USP36: variants seen among roughly 807,000 people sequenced by gnomAD.
The protein encoded by USP36 is ubiquitin carboxyl-terminal hydrolase 36.
A neutral mutation model predicts 111.5 loss-of-function variants in USP36; 59 were observed. The ratio of observed to expected loss-of-function variants is 0.53; its 90% confidence interval spans 0.43 to 0.66. The LOEUF (loss-of-function observed/expected upper bound fraction) is 0.66, where lower values mean the gene tolerates loss of function less well. Ranked by LOEUF, USP36 falls within the 30% of genes least tolerant of loss-of-function variation. The probability of loss-of-function intolerance (pLI) is 0.00; values close to 1 mark genes in which losing one functional copy is unlikely to be tolerated. For missense variants in USP36, 1,488 were observed against 1,468.0 expected, an observed-to-expected ratio of 1.01 and a Z score of -0.22; for synonymous variants, 628 against 581.0, an observed-to-expected ratio of 1.08 and a Z score of -1.16.
At chr17:78,800,596 C>T (rs1304962592) in intron 17 of USP36, among the ~76,000 whole-genome samples, 1 of 152,230 alleles carries the variant, frequency 6.6e-6, no homozygotes, top group Non-Finnish European at 1.5e-5. Flanking sequence ...CAGTGGCTTC[C>T]ATGGTTCCCA....
intron 3 of USP36, among the ~76,000 whole-genome samples, chr17:78,789,406 G>A (rs927869864): frequency 6.6e-6 from 1 of 151,922 alleles, no homozygotes; most frequent in African/African-American, 2.4e-5. Flanking sequence ...TTAATTCAGG[G>A]TTCTTCAAAA....
chr17:78,822,077 C>A, intron 6 of USP36, 73 bp from the exon 7 acceptor site: 1 of 1,549,000 alleles, frequency 6.5e-7, no homozygotes, highest in Non-Finnish European at 8.9e-7. Flanking sequence ...ATCCCAGCAG[C>A]CCCATGCCCA....
chr17:78,789,219 A>AG (rs2093562064), intron 3 of USP36, among the ~76,000 whole-genome samples: 1 of 148,172 alleles, frequency 6.7e-6, no homozygotes, highest in Admixed American at 6.7e-5. Context: ...AAAAAAAAAA[A>AG]AGGAGATGAG....
At chr17:78,836,521 A>T (rs2068687232) in intron 2 of USP36, 149 bp from the exon 3 acceptor site, 1 of 1,032,202 alleles carries the variant, frequency 9.7e-7, no homozygotes, top group Non-Finnish European at 1.4e-6. Flanking sequence ...TGCACAAAGG[A>T]AACAGGGAGA....
At chr17:78,802,570 G>T in intron 16 of USP36, 35 bp from the exon 17 acceptor site, 1 of 1,577,440 alleles carries the variant, frequency 6.3e-7, no homozygotes. Context: ...TCAGCTCTGA[G>T]CAAATTGGAA....
chr17:78,802,121 C>T (rs1307907804), intron 17 of USP36, among the ~76,000 whole-genome samples: 141 of 133,922 alleles, frequency 1.1e-3, no homozygotes, highest in African/African-American at 3.5e-3. Context: ...TGCACACCCA[C>T]GCGGTCCCCC....
chr17:78,818,212 G>A (rs559946890), intron 10 of USP36, among the ~76,000 whole-genome samples: 1 of 152,180 alleles, frequency 6.6e-6, no homozygotes, highest in African/African-American at 2.4e-5. Flanking sequence ...CATGGACAAT[G>A]CAAGTCCCAC....
At chr17:78,804,204 A>C (rs1274122070) in intron 15 of USP36, among the ~76,000 whole-genome samples, 1 of 152,278 alleles carries the variant, frequency 6.6e-6, no homozygotes, top group East Asian at 1.9e-4. Context: ...GCTCATGCCT[A>C]TAATTCCAGC....
rs778043489 is a variant in USP36, at chr17:78,803,831, G to A, written c.2364C>T (p.Asn788=). ...GGTGTGGAAGAGACACAAGGTCCTC[G>A]TTGACCTGAGGCAGCGCCGTCGAGA... The part of the protein sequence containing the change: ...SSISTALPQV[N]EDLVSLPHQL... The change falls in exon 16 of 21, where the codon AAC becomes AAT. Residue 788 remains asparagine (N), a synonymous_variant. Coordinates refer to ENST00000449938, the MANE Select transcript of USP36 (RefSeq NM_001385174.1). The surrounding 1 kb of genome is among the most constrained non-coding windows in gnomAD (Gnocchi z 4.6). 8.1e-6 allele frequency: 13 copies of A among 1,612,462 alleles called. No individual in the cohort carries two copies. Among genetic ancestry groups the A allele is most frequent in the Non-Finnish European group, 1.1e-5 (13 of 1,179,996 alleles).
At position 78,813,710 on chromosome 17, in the gene USP36, C is replaced by T. The variant is rs1182191307; in HGVS notation, c.1265+63G>A. The T allele has an allele frequency of 3.4e-6, 5 of 1,472,952 alleles. No individual in the cohort carries two copies. The Admixed American group carries it at 7.3e-5, about 21-fold the overall frequency. The allele number at this position is 1,472,952 out of a possible 1,614,324, so 91.2% of individuals were successfully genotyped here. A position where few individuals can be genotyped will look rare whatever the true frequency, so the allele number is the denominator to read the frequency against. ...TTCAAACAAAAAAAGGTTAGGGAGG[C>T]CCACCGGTATAAGAAAAGAGCAGAG... On this transcript the variant is annotated intron_variant, in intron 12 of 20. Transcript: ENST00000449938.
At chr17:78,814,291 G>C in intron 11 of USP36, 121 bp downstream of exon 11, 2 of 1,377,858 alleles carry the variant, frequency 1.5e-6, no homozygotes, top group Non-Finnish European at 1.9e-6. Flanking sequence ...ACGAGGACTT[G>C]AATACAACCA....
At chr17:78,813,032 C>A in intron 12 of USP36, 31 bp from the exon 13 acceptor site, 1 of 1,613,150 alleles carries the variant, frequency 6.2e-7, no homozygotes, top group Non-Finnish European at 8.5e-7. Flanking sequence ...GTAGGGAATT[C>A]TCTTACTAGG....
chr17:78,810,127 C>T (rs946386636), intron 13 of USP36, among the ~76,000 whole-genome samples: 2 of 151,434 alleles, frequency 1.3e-5, no homozygotes, highest in Non-Finnish European at 3.0e-5. Flanking sequence ...CCCCCCTCTT[C>T]TTTTTTTTGT....
chr17:78,837,606 C>T (rs1207471619), intron 2 of USP36, among the ~76,000 whole-genome samples: 1 of 152,196 alleles, frequency 6.6e-6, no homozygotes, highest in Non-Finnish European at 1.5e-5. Context: ...CCTCTCCAAT[C>T]GCTACCTTTG....
intron 7 of USP36, chr17:78,821,414 ATATATATTTTTTT>A (rs1329097013): frequency 3.8e-5 from 2 of 53,074 alleles, no homozygotes; most frequent in Non-Finnish European, 6.7e-5. Context: ...ATATATATAT[ATATATATTTTTTT>A]TTTTTTTTTT....
At chr17:78,833,431 G>C (rs767112528) in intron 4 of USP36, among the ~76,000 whole-genome samples, 5 of 152,004 alleles carry the variant, frequency 3.3e-5, no homozygotes, top group Non-Finnish European at 5.9e-5. Flanking sequence ...ACAGGTGTGA[G>C]CCACCGTGCC....
At chr17:78,836,473 A>G in intron 2 of USP36, 101 bp from the exon 3 acceptor site, 1 of 1,449,776 alleles carries the variant, frequency 6.9e-7, no homozygotes, top group Non-Finnish European at 9.2e-7. Flanking sequence ...GCTAGCCACC[A>G]CAAAAGCTCC....
chr17:78,831,973 GC>G (rs1390384784), intron 4 of USP36, among the ~76,000 whole-genome samples: 1 of 145,434 alleles, frequency 6.9e-6, no homozygotes, highest in Admixed American at 6.9e-5. Context: ...GCTTCTTTCA[GC>G]CTAATAAAAT....
chr17:78,810,469 G>C (rs2094021899), intron 13 of USP36, among the ~76,000 whole-genome samples: 1 of 152,054 alleles, frequency 6.6e-6, no homozygotes, highest in Admixed American at 6.6e-5. Flanking sequence ...TGCATTTTTA[G>C]TAGAGACAGG....
Sources: allele counts gnomAD v4.1 joint callset (sites outside exome capture counted in the v4.1 genomes callset), GRCh38; gene constraint gnomAD v4.1.1; non-coding constraint Gnocchi (gnomAD v3.1); transcripts MANE v1.5; gene names NCBI Gene and HGNC (gene_info 2026-07-23, HGNC 2026-07-21).